NBPF11: variants seen among roughly 807,000 people sequenced by gnomAD.
NBPF11 encodes the protein NBPF member 11.
A neutral mutation model predicts 93.9 loss-of-function variants in NBPF11; 72 were observed. The ratio of observed to expected loss-of-function variants is 0.77; its 90% CI spans 0.63 to 0.93. The LOEUF is 0.93. NBPF11 is among the 40% of genes least tolerant of loss of function. The probability of loss-of-function intolerance (pLI) is 0.00; values close to 1 mark genes in which losing one functional copy is unlikely to be tolerated. For missense variants in NBPF11, 705 were observed against 802.2 expected, an observed-to-expected ratio of 0.88 and a Z score of 1.46; for synonymous variants, 224 against 304.9, an observed-to-expected ratio of 0.73 and a Z score of 2.76.
At chr1:148,120,285 C>G (rs1667523805) in intron 10 of NBPF11, among the ~76,000 whole-genome samples, 1 of 152,060 alleles carries the variant, frequency 6.6e-6, no homozygotes, top group African/African-American at 2.4e-5. Context: ...CAGTTTAACT[C>G]TAGTCCCACC....
rs1471151229 is a variant in NBPF11, at chr1:148,108,638, G to A, written c.1870C>T (p.Leu624=). ...ATGPRLSREL[L]DEKEPEVLQD... ...AAGACTTCAGGCTCTTTCTCATCCA[G>A]CAGCTCCCTGCTGAGCCTGGAAAAG... Residue 624 remains leucine, a synonymous_variant, in exon 18 of 24, where the codon CTG becomes TTG. Transcript: ENST00000682118. The A allele has an allele frequency of 3.6e-5, 42 of 1,175,604 alleles. No homozygotes were observed. Among genetic ancestry groups the A allele is most frequent in the South Asian group, 1.3e-4 (11 of 82,374 alleles). 72.8% of individuals were successfully genotyped at this position (1,175,604 alleles called of 1,614,324 possible).
At chr1:148,129,470 CA>C (rs1389316552) in intron 4 of NBPF11, 7 of 152,450 alleles carry the variant, frequency 4.6e-5, no homozygotes, top group Admixed American at 2.0e-4. Flanking sequence ...GCCCCTGCAG[CA>C]ACGCAAAGGC....
chr1:148,114,240 C>G (rs1165865278), intron 15 of NBPF11, among the ~76,000 whole-genome samples, 197 bp downstream of exon 15: 2 of 151,478 alleles, frequency 1.3e-5, no homozygotes, highest in African/African-American at 4.9e-5. Context: ...CATCTGATGG[C>G]AAGTTCCTAT....
intron 5 of NBPF11, among the ~76,000 whole-genome samples, chr1:148,125,891 C>T (rs1314564506): frequency 3.3e-5 from 5 of 152,108 alleles, no homozygotes; most frequent in East Asian, 3.9e-4. Flanking sequence ...CACACGTTCT[C>T]GGGTGTGATC....
At chr1:148,151,376 C>G (rs1648275951) in intron 1 of NBPF11, among the ~76,000 whole-genome samples, 1 of 152,024 alleles carries the variant, frequency 6.6e-6, no homozygotes, top group Non-Finnish European at 1.5e-5. Context: ...GGCGCGAGCG[C>G]TCTTGCCCCT....
chr1:148,134,083 A>G (rs1191279774), intron 4 of NBPF11, among the ~76,000 whole-genome samples: 12 of 151,992 alleles, frequency 7.9e-5, no homozygotes, highest in Admixed American at 7.2e-4. Flanking sequence ...ATCTCCCGCC[A>G]TGACCTCCAG....
intron 8 of NBPF11, 114 bp downstream of exon 8, chr1:148,122,615 C>T (rs1668126821): frequency 2.7e-6 from 4 of 1,468,410 alleles, no homozygotes; most frequent in Admixed American, 3.3e-5. Context: ...ATTTCACATA[C>T]TGTGGCCAAG....
At chr1:148,113,387 T>C (rs1235999395) in intron 15 of NBPF11, among the ~76,000 whole-genome samples, 13 of 151,612 alleles carry the variant, frequency 8.6e-5, no homozygotes, top group South Asian at 2.1e-4. Context: ...CACTACATAA[T>C]GGTAAAGGGA....
At chr1:148,149,323 C>T (rs1164997139) in intron 1 of NBPF11, 18 of 1,597,098 alleles carry the variant, frequency 1.1e-5, no homozygotes, top group African/African-American at 8.0e-5. Context: ...AGACCTACTG[C>T]TTCGACGCCT....
chr1:148,149,144 T>G, intron 1 of NBPF11: 3 of 1,586,116 alleles, frequency 1.9e-6, no homozygotes, highest in African/African-American at 1.4e-5. Context: ...CGGCTGACCC[T>G]GCTCCGGCGC....
At chr1:148,126,154 C>T (rs1179810219) in intron 5 of NBPF11, among the ~76,000 whole-genome samples, 7 of 151,932 alleles carry the variant, frequency 4.6e-5, no homozygotes, top group South Asian at 2.1e-4. Flanking sequence ...TTGCCCGCCA[C>T]GACGCCCATC....
intron 2 of NBPF11, among the ~76,000 whole-genome samples, chr1:148,141,360 C>T (rs1672137954): frequency 6.6e-6 from 1 of 152,024 alleles, no homozygotes; most frequent in East Asian, 1.9e-4. Context: ...CACACTAATA[C>T]AACATACTAA....
At chr1:148,147,871 C>A (rs1297592913) in intron 1 of NBPF11, among the ~76,000 whole-genome samples, 1 of 152,064 alleles carries the variant, frequency 6.6e-6, no homozygotes, top group African/African-American at 2.4e-5. Flanking sequence ...GGCAGAGTCA[C>A]ACCTGCCATG....
At chr1:148,150,703 G>C (rs1648061755) in intron 1 of NBPF11, among the ~76,000 whole-genome samples, 2 of 148,226 alleles carry the variant, frequency 1.3e-5, no homozygotes. Flanking sequence ...GTAACTCAAA[G>C]AAAAGATACC....
At chr1:148,141,370 A>C (rs1287827301) in intron 2 of NBPF11, among the ~76,000 whole-genome samples, 1 of 152,196 alleles carries the variant, frequency 6.6e-6, no homozygotes, top group African/African-American at 2.4e-5. Context: ...CAACATACTA[A>C]TAGGGGAAAT....
chr1:148,107,481 G>A (rs2149174923), intron 19 of NBPF11, among the ~76,000 whole-genome samples: 1 of 152,070 alleles, frequency 6.6e-6, no homozygotes, highest in Non-Finnish European at 1.5e-5. Flanking sequence ...ATTCCATGCA[G>A]TTGCCATACG....
At chr1:148,150,086 C>T (rs1234026252) in intron 1 of NBPF11, among the ~76,000 whole-genome samples, 4 of 151,768 alleles carry the variant, frequency 2.6e-5, no homozygotes, top group Admixed American at 6.5e-5. Context: ...TACATATATA[C>T]CCCAATATAG....
At position 148,123,703 on chromosome 1, in the gene NBPF11, T is replaced by C. The variant is rs1668427597; in HGVS notation, c.493+150A>G. ...CAAACCGATGGGTTTCCCATTTCTG[T>C]TCTTACTCAGGAAGTCCTGATCATG... On this transcript the variant is annotated intron_variant, in intron 7 of 23. Coordinates refer to ENST00000682118, the MANE Select transcript of NBPF11 (RefSeq NM_001385469.3). 6.7e-5 allele frequency: 100 copies of C among 1,491,080 alleles called. No individual in the cohort carries two copies. The South Asian group carries it at 1.1e-3, about 16-fold the overall frequency. The allele number at this position is 1,491,080 out of a possible 1,614,324, so 92.4% of individuals were successfully genotyped here. A position where few individuals can be genotyped will look rare whatever the true frequency, so the allele number is the denominator to read the frequency against.
chr1:148,119,270 G>A (rs2149223101), intron 10 of NBPF11, among the ~76,000 whole-genome samples: 1 of 151,272 alleles, frequency 6.6e-6, no homozygotes, highest in South Asian at 2.1e-4. Flanking sequence ...AGGCCATGAA[G>A]GAAATCCTAT....
Sources: allele counts gnomAD v4.1 joint callset (sites outside exome capture counted in the v4.1 genomes callset), GRCh38; gene constraint gnomAD v4.1.1; transcripts MANE v1.5; gene names NCBI Gene and HGNC (gene_info 2026-07-23, HGNC 2026-07-21).